The following MGST1 variants were observed in gnomAD, a reference collection of about 807,000 sequenced individuals.
The protein encoded by MGST1 is microsomal glutathione S-transferase 1.
A neutral mutation model predicts 8.9 loss-of-function variants in MGST1; 5 were observed. That is an observed-to-expected ratio of 0.56 (90% CI 0.29 to 1.19). The LOEUF (loss-of-function observed/expected upper bound fraction) is 1.19. Among genes scored for constraint, MGST1 ranks in the 50% most tolerant of loss-of-function variants. The pLI, the probability that MGST1 is intolerant of heterozygous loss-of-function variation, is 0.08. For synonymous variants in MGST1, 54 were observed against 67.8 expected, an observed-to-expected ratio of 0.80 and a Z score of 1.00; for missense variants, 182 against 187.4, an observed-to-expected ratio of 0.97 and a Z score of 0.17.
At chr12:16,516,535 C>A (rs187685999) in intron 4 of MGST1, among the ~76,000 whole-genome samples, 134 of 152,266 alleles carry the variant, frequency 8.8e-4, no homozygotes, top group African/African-American at 3.1e-3. Context: ...TTCAGACTTT[C>A]CATTCTACAT....
chr12:16,549,060 A>G (rs1941891054), intron 4 of MGST1: 1 of 152,188 alleles, frequency 6.6e-6, no homozygotes. Context: ...AAACCTTAAA[A>G]GATCATCTGA....
chr12:16,430,175 G>A (rs1184334537), intron 1 of MGST1, among the ~76,000 whole-genome samples: 1 of 152,242 alleles, frequency 6.6e-6, no homozygotes, highest in South Asian at 2.1e-4. Flanking sequence ...CAGCAGTTTA[G>A]TCACATCTTC....
At chr12:16,488,306 C>T (rs1008503588) in intron 4 of MGST1, among the ~76,000 whole-genome samples, 14 of 152,110 alleles carry the variant, frequency 9.2e-5, no homozygotes, top group African/African-American at 3.4e-4. Flanking sequence ...GTGATAGATA[C>T]TTAGAGCATG....
At chr12:16,574,661 T>G (rs1201589235) in intron 4 of MGST1, among the ~76,000 whole-genome samples, 1 of 152,222 alleles carries the variant, frequency 6.6e-6, no homozygotes, top group African/African-American at 2.4e-5. Context: ...TTCCTATCTG[T>G]GCTCTGTTAA....
intron 4 of MGST1, among the ~76,000 whole-genome samples, chr12:16,541,093 A>G (rs1226768959): frequency 6.6e-6 from 1 of 152,206 alleles, no homozygotes; most frequent in Non-Finnish European, 1.5e-5. Context: ...GTAATATTTT[A>G]AAAACTAGAC....
intron 3 of MGST1, chr12:16,360,521 G>A (rs1274095176): frequency 4.9e-6 from 1 of 205,716 alleles, no homozygotes; most frequent in Non-Finnish European, 8.5e-6. Flanking sequence ...ACCAGTGATG[G>A]TTAGAAAGCA....
intron 4 of MGST1, among the ~76,000 whole-genome samples, chr12:16,564,641 C>T (rs575766198): frequency 6.6e-6 from 1 of 152,224 alleles, no homozygotes; most frequent in South Asian, 2.1e-4. Context: ...CAAATTCCTC[C>T]AAGCTATGTA....
chr12:16,360,986 C>CT (rs1304741592), intron 3 of MGST1, among the ~76,000 whole-genome samples: 2 of 148,128 alleles, frequency 1.4e-5, no homozygotes, highest in East Asian at 3.9e-4. Flanking sequence ...GTGTTCCCCC[C>CT]CTCCCCGCCC....
chr12:16,515,642 A>T (rs1941608283), intron 4 of MGST1, among the ~76,000 whole-genome samples: 1 of 151,786 alleles, frequency 6.6e-6, no homozygotes, highest in Non-Finnish European at 1.5e-5. Context: ...GAAAAAAAAA[A>T]AAAAGAAAAA....
At position 16,589,458 on chromosome 12, in the gene MGST1, G is replaced by A. The variant is rs572359366; in HGVS notation, n.483-70G>A. 9 of 152,086 alleles carry A rather than the reference G, an allele frequency of 5.9e-5. No individual in the cohort carries two copies. Among genetic ancestry groups the A allele is most frequent in the East Asian group, 5.8e-4 (3 of 5,158 alleles). 9.4% of individuals were successfully genotyped at this position (152,086 alleles called of 1,614,324 possible). On this transcript the variant is annotated intron_variant and non_coding_transcript_variant, in intron 4 of 4. Transcript: ENST00000538857. This position sits in a 1 kb window ranked among gnomAD's most constrained non-coding sequence, Gnocchi z 4.2. ...GGTCGTAGTGCAGATGAAAGCCTCC[G>A]TATAAATTAGGAAGGAAAAATTTAA...
rs118186288 is a variant in MGST1, at chr12:16,350,490, T to C, written c.-23+2780T>C. ...CCTCAAACCACTTAACATTTCATCC[T>C]GTTATTTATTATTATACAGGACCAC... On this transcript the variant is annotated intron_variant, in intron 1 of 3. Coordinates refer to ENST00000396210, the MANE Select transcript of MGST1 (RefSeq NM_020300.5). Among the ~76,000 whole-genome samples, 600 of 152,340 alleles carry C rather than the reference T, an allele frequency of 3.9e-3. 1 individual carries two copies. The highest frequency in any genetic ancestry group is 6.8e-3 in the Non-Finnish European group (460 of 68,028).
chr12:16,407,674 C>T (rs528107703), intron 1 of MGST1, among the ~76,000 whole-genome samples: 1 of 152,000 alleles, frequency 6.6e-6, no homozygotes, highest in Non-Finnish European at 1.5e-5. Context: ...AAGTGCCCAT[C>T]ATTTGTGAAC....
At chr12:16,394,964 A>G (rs568997938) in intron 1 of MGST1, among the ~76,000 whole-genome samples, 1 of 152,026 alleles carries the variant, frequency 6.6e-6, no homozygotes, top group Admixed American at 6.5e-5. Context: ...TATCAATTTT[A>G]TGTATAGCAA....
At chr12:16,573,724 G>A (rs1014936170) in intron 4 of MGST1, 2 of 152,180 alleles carry the variant, frequency 1.3e-5, no homozygotes, top group Admixed American at 6.6e-5. Flanking sequence ...AATGACCCCT[G>A]AAGCAGCCCT....
In MGST1 at chr12:16,555,020, C is replaced by G. The variant is rs148889208; in HGVS notation, n.483-34508C>G. Among the ~76,000 whole-genome samples the G allele has an allele frequency of 1.8e-3, 279 of 152,288 alleles. No individual in the cohort carries two copies. The highest frequency in any genetic ancestry group is 6.6e-3 in the African/African-American group (275 of 41,566). On this transcript the variant is annotated intron_variant and non_coding_transcript_variant, in intron 4 of 4. Coordinates refer to the MGST1 transcript ENST00000538857. The surrounding 1 kb of genome is among the most constrained non-coding windows in gnomAD (Gnocchi z 5.5). ...ACTGTAATCTTGGGCAAGTTACTTA[C>G]ATTTCCTATACTTTACTTTCCTCAT...
At chr12:16,442,742 T>C (rs2137104743), downstream of MGST1, among the ~76,000 whole-genome samples, 1 of 152,028 alleles carries the variant, frequency 6.6e-6, no homozygotes, top group Middle Eastern at 3.4e-3. This position sits in a 1 kb window ranked among gnomAD's most constrained non-coding sequence, Gnocchi z 4.5. Flanking sequence ...CCTCTGACTT[T>C]GTTCTTCTCT....
Position 16,584,517 on chromosome 12 carries a change from A to G in MGST1, n.483-5011A>G, listed in dbSNP as rs1713422341. On this transcript the variant is annotated intron_variant and non_coding_transcript_variant, in intron 4 of 4. Coordinates refer to the MGST1 transcript ENST00000538857. This position sits in a 1 kb window ranked among gnomAD's most constrained non-coding sequence, Gnocchi z 5.2. Reference sequence around the variant, plus strand: ...GTGTTGAGTGAACGTAACAGCAGAAATATACAGAGAATGAGGAAAGGAATG... The same window carrying G: ...GTGTTGAGTGAACGTAACAGCAGAAGTATACAGAGAATGAGGAAAGGAATG... 6.6e-6 allele frequency among the ~76,000 whole-genome samples: 1 copy of G among 152,176 alleles called. No homozygotes were observed. The highest frequency in any genetic ancestry group is 2.4e-5 in the African/African-American group (1 of 41,446).
intron 1 of MGST1, among the ~76,000 whole-genome samples, chr12:16,387,273 C>A (rs904034453): frequency 6.6e-6 from 1 of 152,092 alleles, no homozygotes; most frequent in African/African-American, 2.4e-5. Flanking sequence ...GCTGTGGACC[C>A]ATAAGATAAT....
exon 4 of MGST1, chr12:16,376,154 C>T (rs1262976152): frequency 1.6e-6 from 2 of 1,258,426 alleles, no homozygotes; most frequent in African/African-American, 3.0e-5. Context: ...TATCTTGCCT[C>T]TTCTATATAA....
Sources: gnomAD v4.1 joint callset for allele counts (sites outside exome capture counted in the v4.1 genomes callset) on GRCh38, gnomAD v4.1.1 for gene constraint, Gnocchi (gnomAD v3.1) non-coding constraint, MANE v1.5 for transcripts, NCBI Gene and HGNC (gene_info 2026-07-23, HGNC 2026-07-21) for gene names.